Variants in CEP164 observed in about 807,000 individuals in gnomAD.
CEP164 encodes centrosomal protein of 164 kDa.
In CEP164, 162 loss-of-function variants were observed where a neutral mutation model predicts 182.7. That is an observed-to-expected ratio of 0.89 (90% CI 0.78 to 1.01). CEP164 has a LOEUF of 1.01. CEP164 is among the 50% of genes least tolerant of loss of function. The probability of loss-of-function intolerance (pLI) is 0.00; values close to 1 mark genes in which losing one functional copy is unlikely to be tolerated. For missense variants in CEP164, 1,735 were observed against 1,790.4 expected (o/e 0.97, Z 0.56); for synonymous variants, 661 against 690.0 (o/e 0.96, Z 0.66).
chr11:117,336,148 T>C, intron 2 of CEP164: 4 of 1,568,840 alleles, frequency 2.5e-6, no homozygotes, highest in Non-Finnish European at 3.5e-6. Context: ...CTTCTGAAGC[T>C]TGATGGGAGA....
At chr11:117,357,888 T>C (rs568230770) in intron 5 of CEP164, among the ~76,000 whole-genome samples, 1 of 152,212 alleles carries the variant, frequency 6.6e-6, no homozygotes, top group East Asian at 1.9e-4. Context: ...CACTTCCTCC[T>C]CTACTGGGAT....
At chr11:117,373,671 C>T (rs776685362) in intron 9 of CEP164, 80 bp from the exon 10 acceptor site, 36 of 1,289,632 alleles carry the variant, frequency 2.8e-5, no homozygotes, top group Non-Finnish European at 3.5e-5. Context: ...GCCCCATGGC[C>T]TGAACAGAAT....
chr11:117,351,769 C>T, intron 4 of CEP164, 21 bp from the exon 5 acceptor site: 1 of 1,607,050 alleles, frequency 6.2e-7, no homozygotes, highest in South Asian at 1.1e-5. Flanking sequence ...GGACTAACTT[C>T]TGAACTCTGC....
intron 1 of CEP164, among the ~76,000 whole-genome samples, chr11:117,334,898 T>C (rs1457745108): frequency 6.6e-6 from 1 of 152,116 alleles, no homozygotes; most frequent in Non-Finnish European, 1.5e-5. Flanking sequence ...GGGATGCATC[T>C]AGGGGATGAC....
chr11:117,344,184 G>A lies in CEP164; in HGVS notation c.101G>A (p.Arg34Gln), dbSNP rs760829793. Residue 34 changes from arginine to glutamine, a missense_variant, in exon 4 of 33, where the codon CGG (arginine) becomes CAG (glutamine). By Grantham distance (43) the Arg-to-Gln change is conservative. Coordinates refer to ENST00000278935, the MANE Select transcript of CEP164 (RefSeq NM_014956.5). ...CTTGCAGAAATTCTTGAATTTGCCC[G>A]GGAGATTGGTATTGATCCCATCAAG... ...PSEQEILEFA[R>Q]EIGIDPIKEP... is the part of the protein sequence containing the mutation. 4.3e-6 allele frequency: 7 copies of A among 1,611,492 alleles called. No homozygotes were observed. Among genetic ancestry groups the A allele is most frequent in the South Asian group, 2.2e-5 (2 of 90,574 alleles).
At chr11:117,396,666 G>A in intron 26 of CEP164, 55 bp downstream of exon 26, 1 of 1,352,364 alleles carries the variant, frequency 7.4e-7, no homozygotes, top group Non-Finnish European at 1.1e-6. Flanking sequence ...AGGGGTAAGT[G>A]AGTACCTGCA....
intron 11 of CEP164, 118 bp from the exon 12 acceptor site, chr11:117,380,496 C>G (rs2043200531): frequency 3.9e-6 from 3 of 760,724 alleles, no homozygotes; most frequent in Middle Eastern, 3.5e-4. Flanking sequence ...CCGTATGGTC[C>G]CATCTTCTGG....
chr11:117,382,648 G>C lies in CEP164; in HGVS notation c.1578-148G>C, dbSNP rs1327340218. 2.2e-5 allele frequency: 18 copies of C among 819,100 alleles called. No homozygotes were observed. The East Asian group carries it at 4.4e-4, about 20-fold the overall frequency. 50.7% of individuals were successfully genotyped at this position (819,100 alleles called of 1,614,324 possible). A position where few individuals can be genotyped will look rare whatever the true frequency, so the allele number is the denominator to read the frequency against. On this transcript the variant is annotated intron_variant, in intron 13 of 32. Transcript: ENST00000278935. ...AATAATTCAGGGAGAGGAAGGGCGG[G>C]GAGAGGGAGGTCTAAGACCCGAGGT...
At chr11:117,387,047 G>A in intron 14 of CEP164, 156 bp from the exon 15 acceptor site, 1 of 671,758 alleles carries the variant, frequency 1.5e-6, no homozygotes, top group Admixed American at 2.5e-5. Flanking sequence ...AGCATTGACT[G>A]TATCTCTTGG....
At chr11:117,404,317 G>A (rs967645330) in intron 27 of CEP164, among the ~76,000 whole-genome samples, 4 of 151,986 alleles carry the variant, frequency 2.6e-5, no homozygotes, top group Non-Finnish European at 5.9e-5. Flanking sequence ...TTTGATGTTG[G>A]TGACCTTCAG....
chr11:117,322,351 A>G (rs1436482146), intron 1 of CEP164, among the ~76,000 whole-genome samples: 1 of 152,006 alleles, frequency 6.6e-6, no homozygotes, highest in East Asian at 1.9e-4. Context: ...TCCTGACCTC[A>G]TGATCCGCCC....
intron 3 of CEP164, 147 bp downstream of exon 3, chr11:117,338,815 A>G (rs1450421540): frequency 1.4e-5 from 9 of 645,876 alleles, no homozygotes; most frequent in African/African-American, 9.3e-5. Context: ...ATGTGAGCCT[A>G]CCTTGGCCTC....
chr11:117,412,687 T>C lies in CEP164; in HGVS notation c.*519T>C, dbSNP rs2047476978. ...CAGATCAGACCCTTTCTTTTTTGTCTTTCTTCTCTTAATTTTTAAATGCCT... is the reference window on the plus strand; with the variant it reads ...CAGATCAGACCCTTTCTTTTTTGTCCTTCTTCTCTTAATTTTTAAATGCCT... On this transcript the variant is annotated 3_prime_UTR_variant, in exon 33 of 33. Transcript: ENST00000278935. The C allele has an allele frequency of 6.5e-6, 1 of 154,372 alleles. No homozygotes were observed. Among genetic ancestry groups the C allele is most frequent in the Non-Finnish European group, 1.4e-5 (1 of 69,264 alleles). The allele number at this position is 154,372 out of a possible 1,614,324, so 9.6% of individuals were successfully genotyped here.
intron 1 of CEP164, chr11:117,328,184 C>G (rs530120955): frequency 6.6e-6 from 1 of 152,336 alleles, no homozygotes; most frequent in African/African-American, 2.4e-5. Context: ...AGCGGGCCAC[C>G]GGGCCCGGGC....
chr11:117,356,436 T>C (rs756859793), intron 5 of CEP164: 26 of 1,249,486 alleles, frequency 2.1e-5, no homozygotes, highest in Non-Finnish European at 3.1e-6. Context: ...TCGAGGTTTC[T>C]GTCATGGGAG....
chr11:117,361,886 C>T lies in CEP164; in HGVS notation c.445C>T (p.Pro149Ser). The change falls in exon 6 of 33, where the codon CCT (proline) becomes TCT (serine). Residue 149 changes from proline to serine, a missense_variant. Pro to Ser is a moderately conservative substitution (Grantham distance 74). Transcript: ENST00000278935. ...TCATGTTCCTCTTGGGGGCCTGGCT[C>T]CTTTACGAGGTCTTGTGGATACCCC... ...PVHVPLGGLA[P>S]LRGLVDTPPS... is the part of the protein sequence containing the mutation. 1.2e-6 allele frequency: 2 copies of T among 1,614,142 alleles called. No homozygotes were observed. Among genetic ancestry groups the T allele is most frequent in the Non-Finnish European group, 8.5e-7 (1 of 1,180,028 alleles).
At chr11:117,365,487 T>G (rs1476148877) in intron 8 of CEP164, among the ~76,000 whole-genome samples, 1 of 152,234 alleles carries the variant, frequency 6.6e-6, no homozygotes, top group Admixed American at 6.5e-5. Context: ...TGATTTACTT[T>G]GACCTTGGGC....
chr11:117,363,428 G>A lies in CEP164; in HGVS notation c.688-1G>A. 6.2e-7 allele frequency: 1 copy of A among 1,612,356 alleles called. No homozygotes were observed. The highest frequency in any genetic ancestry group is 8.5e-7 in the Non-Finnish European group (1 of 1,178,468). On this transcript the variant is annotated splice_acceptor_variant, in intron 7 of 32. Coordinates refer to ENST00000278935, the MANE Select transcript of CEP164 (RefSeq NM_014956.5). LOFTEE classifies it high-confidence loss of function. ...CCACTTGTCATCATTTTTGTTTCTAGAGTGTCCACAGCTCAAGTGAGCCTC... is the reference window on the plus strand; with the variant it reads ...CCACTTGTCATCATTTTTGTTTCTAAAGTGTCCACAGCTCAAGTGAGCCTC...
Position 117,412,140 on chromosome 11 carries a change from A to G in CEP164, c.4355A>G (p.His1452Arg), listed in dbSNP as rs370039438. ...CTCCTGCAGCTGGGCCTTGATGAGCACAACAGAGTGAAGGTGTATCGCTTC... is the reference window on the plus strand; with the variant it reads ...CTCCTGCAGCTGGGCCTTGATGAGCGCAACAGAGTGAAGGTGTATCGCTTC... The part of the protein sequence containing the change: ...LSLLQLGLDE[H>R]NRVKVYRF The change falls in exon 33 of 33, where the codon CAC becomes CGC. Residue 1452 changes from histidine (H) to arginine (R), a missense_variant. Coordinates refer to ENST00000278935, the MANE Select transcript of CEP164 (RefSeq NM_014956.5). 9.9e-6 allele frequency: 16 copies of G among 1,614,070 alleles called. No homozygotes were observed. In the African/African-American group the frequency reaches 1.5e-4, roughly 15 times the overall value.
Sources: allele counts gnomAD v4.1 joint callset (sites outside exome capture counted in the v4.1 genomes callset), GRCh38; gene constraint gnomAD v4.1.1; transcripts MANE v1.5; gene names NCBI Gene and HGNC (gene_info 2026-07-23, HGNC 2026-07-21).